The following DACH1 variants were observed in gnomAD, a reference collection of about 807,000 sequenced individuals.
DACH1 encodes dachshund homolog 1.
In DACH1, 12 loss-of-function variants were observed where a neutral mutation model predicts 54.2. The observed-to-expected ratio is 0.22, with a 90% CI of 0.14 to 0.36. The LOEUF (loss-of-function observed/expected upper bound fraction) is 0.36. Among genes scored for constraint, DACH1 ranks in the 10% least tolerant of loss-of-function variants. The pLI, the probability that DACH1 is intolerant of heterozygous loss-of-function variation, is 1.00. For synonymous variants in DACH1, 386 were observed against 366.2 expected (o/e 1.05, Z -0.62); for missense variants, 805 against 929.8 (o/e 0.87, Z 1.75).
chr13:71,844,828 G>A (rs1484126818), intron 1 of DACH1, among the ~76,000 whole-genome samples: 1 of 152,024 alleles, frequency 6.6e-6, no homozygotes, highest in Non-Finnish European at 1.5e-5. Flanking sequence ...TAGAACTGGA[G>A]TACATTATGT....
chr13:71,577,106 G>A (rs1284025025), intron 3 of DACH1, among the ~76,000 whole-genome samples: 2 of 152,140 alleles, frequency 1.3e-5, no homozygotes, highest in African/African-American at 2.4e-5. Context: ...CTTCATGATC[G>A]TCTAAGCTCC....
At chr13:71,611,888 A>G (rs1875356855) in intron 3 of DACH1, among the ~76,000 whole-genome samples, 1 of 152,156 alleles carries the variant, frequency 6.6e-6, no homozygotes, top group East Asian at 1.9e-4. Flanking sequence ...TTATAGAGCA[A>G]ATAAAAAGAC....
intron 1 of DACH1, 114 bp downstream of exon 1, chr13:71,865,808 G>T: frequency 7.6e-7 from 1 of 1,309,802 alleles, no homozygotes; most frequent in Non-Finnish European, 9.7e-7. Flanking sequence ...CGCGCTCGCC[G>T]GGGCGCGCGG....
intron 1 of DACH1, among the ~76,000 whole-genome samples, chr13:71,839,393 G>A (rs995078913): frequency 6.6e-6 from 1 of 152,096 alleles, no homozygotes; most frequent in Non-Finnish European, 1.5e-5. Context: ...GGATAATGAG[G>A]TCAGGAGATC....
intron 1 of DACH1, among the ~76,000 whole-genome samples, chr13:71,696,746 T>A (rs1881854042): frequency 6.6e-6 from 1 of 151,964 alleles, no homozygotes; most frequent in African/African-American, 2.4e-5. Flanking sequence ...AGGGATTCAC[T>A]ATGTTGGTCA....
rs138740949 is a variant in DACH1, at chr13:71,464,733, G to C, written c.2083+10408C>G. The C allele has an allele frequency of 6.8e-3, 3,090 of 454,132 alleles. 124 individuals are homozygous for C. In the Admixed American group the frequency reaches 0.07, roughly 10 times the overall value. The allele number at this position is 454,132 out of a possible 1,614,324, so 28.1% of individuals were successfully genotyped here. On this transcript the variant is annotated intron_variant, in intron 10 of 10. Transcript: ENST00000613252. ...AACTGTTTTGATGTATAATCTTGCAGCTAAGAACTTTATCTTTCTTGGCGG... is the reference window on the plus strand; with the variant it reads ...AACTGTTTTGATGTATAATCTTGCACCTAAGAACTTTATCTTTCTTGGCGG...
intron 1 of DACH1, among the ~76,000 whole-genome samples, chr13:71,784,657 T>C (rs1886518300): frequency 6.6e-6 from 1 of 152,096 alleles, no homozygotes; most frequent in South Asian, 2.1e-4. Flanking sequence ...CTCCTACCCT[T>C]TTCTTTATAT....
chr13:71,525,858 T>C (rs943263088), intron 6 of DACH1, among the ~76,000 whole-genome samples: 1 of 152,116 alleles, frequency 6.6e-6, no homozygotes, highest in East Asian at 1.9e-4. Flanking sequence ...TTATGAGATA[T>C]CACCATCAAG....
rs201449340 is a variant in DACH1, at chr13:71,842,427, AAT to A, written c.848+23493_848+23494del. Among the ~76,000 whole-genome samples, 688 of 146,954 alleles carry A rather than the reference AAT, an allele frequency of 4.7e-3. 5 individuals are homozygous for A. Among genetic ancestry groups the A allele is most frequent in the African/African-American group, 0.013 (537 of 40,264 alleles). ...CCCATTTCTATTAAAAAAAAAAAAA[AAT>A]TAGCAAGGCATGGTGGTGTACATCT... On this transcript the variant is annotated intron_variant, in intron 1 of 10. Coordinates refer to ENST00000613252, the MANE Select transcript of DACH1 (RefSeq NM_080759.6).
chr13:71,832,186 C>A (rs1347301198), intron 1 of DACH1, among the ~76,000 whole-genome samples: 1 of 151,808 alleles, frequency 6.6e-6, no homozygotes, highest in East Asian at 1.9e-4. Flanking sequence ...TAAATCCTGA[C>A]AAAGAGAAGA....
At chr13:71,628,802 G>A (rs1162466707) in intron 3 of DACH1, among the ~76,000 whole-genome samples, 1 of 152,012 alleles carries the variant, frequency 6.6e-6, no homozygotes, top group Non-Finnish European at 1.5e-5. Flanking sequence ...TATGAACCAT[G>A]TTCTCTTTAT....
intron 1 of DACH1, among the ~76,000 whole-genome samples, chr13:71,834,237 G>A (rs1169443831): frequency 2.6e-5 from 4 of 151,950 alleles, no homozygotes; most frequent in Non-Finnish European, 5.9e-5. Flanking sequence ...TTTGTGCCAT[G>A]TTTTTAAGTA....
intron 6 of DACH1, among the ~76,000 whole-genome samples, chr13:71,535,291 G>A (rs569938393): frequency 2.0e-5 from 3 of 151,682 alleles, no homozygotes; most frequent in South Asian, 2.1e-4. Flanking sequence ...CATACTAATC[G>A]GTGTATATCA....
At chr13:71,529,183 G>GTTTTTTTTTTGTTTGTTTTTTTTT (rs1299574030) in intron 6 of DACH1, among the ~76,000 whole-genome samples, 1 of 80,980 alleles carries the variant, frequency 1.2e-5, no homozygotes, top group African/African-American at 4.4e-5. Context: ...TGTGATTTGG[G>GTTTTTTTTTTGTTTGTTTTTTTTT]TTTTTTTTTT....
At chr13:71,614,696 A>G (rs1201126688) in intron 3 of DACH1, among the ~76,000 whole-genome samples, 1 of 152,030 alleles carries the variant, frequency 6.6e-6, no homozygotes, top group Non-Finnish European at 1.5e-5. Flanking sequence ...TCTACAAAAA[A>G]TAAAAACATT....
chr13:71,731,419 G>C (rs548883614), intron 1 of DACH1, among the ~76,000 whole-genome samples: 198 of 151,844 alleles, frequency 1.3e-3, no homozygotes, highest in South Asian at 6.1e-3. Context: ...AGCCTCCTGG[G>C]ACTACAGGCG....
chr13:71,840,809 A>G (rs1442002436), intron 1 of DACH1, among the ~76,000 whole-genome samples: 1 of 152,218 alleles, frequency 6.6e-6, no homozygotes, highest in Non-Finnish European at 1.5e-5. Context: ...CAATTTTTTT[A>G]TATTCATGTC....
chr13:71,735,924 C>T (rs113681858), intron 1 of DACH1, among the ~76,000 whole-genome samples: 6 of 152,030 alleles, frequency 3.9e-5, no homozygotes, highest in African/African-American at 1.4e-4. Context: ...TCAAAGGCAC[C>T]CTGCATGGCA....
intron 2 of DACH1, among the ~76,000 whole-genome samples, chr13:71,668,486 T>C (rs1330890578): frequency 6.6e-6 from 1 of 152,124 alleles, no homozygotes; most frequent in Non-Finnish European, 1.5e-5. Flanking sequence ...TCATGTAGGA[T>C]GTATTCCAGT....
Sources: gnomAD v4.1 joint callset for allele counts (sites outside exome capture counted in the v4.1 genomes callset) on GRCh38, gnomAD v4.1.1 for gene constraint, MANE v1.5 for transcripts, NCBI Gene and HGNC (gene_info 2026-07-23, HGNC 2026-07-21) for gene names.